Variants in COL24A1 observed in about 807,000 individuals in gnomAD.
COL24A1 encodes the protein collagen alpha-1(XXIV) chain.
COL24A1 carries 224 observed loss-of-function variants against 253.9 expected under a neutral mutation model. The ratio of observed to expected loss-of-function variants is 0.88; its 90% CI spans 0.79 to 0.99. The LOEUF (loss-of-function observed/expected upper bound fraction) is 0.99, where lower values mean the gene tolerates loss of function less well. Among genes scored for constraint, COL24A1 ranks in the 50% least tolerant of loss-of-function variants. The probability of loss-of-function intolerance (pLI) is 0.00; values close to 1 mark genes in which losing one functional copy is unlikely to be tolerated. For missense variants in COL24A1, 2,131 were observed against 2,068.5 expected (o/e 1.03, Z -0.59); for synonymous variants, 685 against 673.7 (o/e 1.02, Z -0.26).
intron 32 of COL24A1, among the ~76,000 whole-genome samples, chr1:85,886,128 T>C (rs1682470885): frequency 6.6e-6 from 1 of 151,952 alleles, no homozygotes; most frequent in African/African-American, 2.4e-5. Flanking sequence ...AGTTGTGCGA[T>C]CTTGGCTTGC....
rs770467150 is a variant in COL24A1 at position 86,017,216 on chromosome 1, G to T, written c.2257-12C>A. 2.6e-6 allele frequency: 4 copies of T among 1,553,578 alleles called. No homozygotes were observed. Among genetic ancestry groups the T allele is most frequent in the Non-Finnish European group, 3.4e-6 (4 of 1,159,554 alleles). ...TCACCTGTTTGGCCCTAAAATGGGG[G>T]GGGAGGATCAAAGTATAAACATAAA... On this transcript the variant is annotated splice_polypyrimidine_tract_variant and intron_variant, in intron 18 of 59. Transcript: ENST00000370571.
intron 7 of COL24A1, among the ~76,000 whole-genome samples, chr1:86,074,107 T>C (rs1448617926): frequency 6.6e-6 from 1 of 152,106 alleles, no homozygotes; most frequent in Non-Finnish European, 1.5e-5. Context: ...AATTCACACA[T>C]AACAATATTA....
chr1:85,998,169 C>T (rs1246105559), intron 19 of COL24A1, among the ~76,000 whole-genome samples: 4 of 152,176 alleles, frequency 2.6e-5, no homozygotes, highest in African/African-American at 9.7e-5. Flanking sequence ...TTTCTACATA[C>T]ATCTAGCTTC....
intron 47 of COL24A1, among the ~76,000 whole-genome samples, chr1:85,813,536 T>G (rs1209477993): frequency 2.9e-4 from 7 of 24,268 alleles, no homozygotes; most frequent in African/African-American, 7.9e-4. Flanking sequence ...TCAGGTCTTT[T>G]TTTTTTTTTT....
At chr1:86,056,717 G>A (rs770224282) in intron 10 of COL24A1, among the ~76,000 whole-genome samples, 9 of 151,798 alleles carry the variant, frequency 5.9e-5, no homozygotes, top group African/African-American at 2.4e-5. Flanking sequence ...AGCCTGGTGT[G>A]GTGGCACGTG....
At chr1:86,118,677 A>G (rs1706400576) in intron 3 of COL24A1, among the ~76,000 whole-genome samples, 1 of 152,204 alleles carries the variant, frequency 6.6e-6, no homozygotes, top group Non-Finnish European at 1.5e-5. Flanking sequence ...AGGAAAAGAA[A>G]AGGCAACCAA....
chr1:85,989,733 A>C (rs74097638), intron 19 of COL24A1, among the ~76,000 whole-genome samples: 5,575 of 152,194 alleles, frequency 0.037, 380 homozygotes, highest in African/African-American at 0.13. Context: ...TCATACTCTG[A>C]TAATATATAC....
intron 7 of COL24A1, among the ~76,000 whole-genome samples, chr1:86,085,977 T>C (rs1033526458): frequency 1.4e-5 from 2 of 139,382 alleles, no homozygotes; most frequent in African/African-American, 5.0e-5. Flanking sequence ...TTTTCAAGAC[T>C]TTTTTTTTAC....
intron 24 of COL24A1, among the ~76,000 whole-genome samples, chr1:85,958,572 A>G (rs1444801518): frequency 6.6e-6 from 1 of 152,166 alleles, no homozygotes; most frequent in African/African-American, 2.4e-5. Flanking sequence ...GGATCACTCT[A>G]TGGAAGAACC....
chr1:86,130,500 T>C (rs907872324), intron 2 of COL24A1, among the ~76,000 whole-genome samples: 1 of 151,886 alleles, frequency 6.6e-6, no homozygotes, highest in Non-Finnish European at 1.5e-5. Context: ...ATTCTAAGGG[T>C]TTCCTTTAAA....
intron 28 of COL24A1, among the ~76,000 whole-genome samples, chr1:85,905,654 G>T (rs1684747754): frequency 6.6e-6 from 1 of 152,060 alleles, no homozygotes; most frequent in Non-Finnish European, 1.5e-5. Context: ...TTTGAAGGAT[G>T]TGAGGAAAAT....
chr1:85,868,828 G>A lies in COL24A1; in HGVS notation c.3146C>T (p.Pro1049Leu), dbSNP rs770350497. The change falls in exon 36 of 60, where the codon CCA becomes CTA. Residue 1049 changes from proline (P) to leucine (L), a missense_variant. Physicochemically the swap from Pro to Leu is moderately conservative, Grantham distance 98 (BLOSUM62 -3). Transcript: ENST00000370571. ...GTGEPGLRGEPGAPGEEGLQG... is the reference protein window; with the variant it reads ...GTGEPGLRGELGAPGEEGLQG... ...GAGACCTTCTTCTCCAGGAGCTCCT[G>A]GTTCACCCTATTTTGTAGCAGAAAG... 8.2e-6 allele frequency: 13 copies of A among 1,586,858 alleles called. No individual in the cohort carries two copies. Among genetic ancestry groups the A allele is most frequent in the Admixed American group, 1.8e-5 (1 of 56,856 alleles).
chr1:86,104,006 C>G (rs890525653), intron 5 of COL24A1, among the ~76,000 whole-genome samples: 1 of 152,190 alleles, frequency 6.6e-6, no homozygotes, highest in African/African-American at 2.4e-5. Context: ...CTCCCCATCT[C>G]TTTCAGCAAT....
intron 46 of COL24A1, among the ~76,000 whole-genome samples, chr1:85,817,383 C>T (rs907599212): frequency 1.3e-5 from 2 of 151,944 alleles, no homozygotes; most frequent in Admixed American, 1.3e-4. Context: ...TACACTTGGG[C>T]AACTAAATTT....
At chr1:86,093,580 G>A (rs1703670793) in intron 5 of COL24A1, among the ~76,000 whole-genome samples, 1 of 151,936 alleles carries the variant, frequency 6.6e-6, no homozygotes, top group Non-Finnish European at 1.5e-5. Flanking sequence ...ATAGGCACAG[G>A]CAAAGATTTC....
At chr1:85,747,972 C>T (rs918779054) in intron 55 of COL24A1, among the ~76,000 whole-genome samples, 1 of 152,152 alleles carries the variant, frequency 6.6e-6, no homozygotes. Flanking sequence ...GCAGGTCTTC[C>T]AAACACAGAT....
chr1:86,131,403 T>C (rs993689942), intron 2 of COL24A1, among the ~76,000 whole-genome samples: 3 of 152,102 alleles, frequency 2.0e-5, no homozygotes, highest in Non-Finnish European at 4.4e-5. Context: ...AGGGTACATG[T>C]GCACAATGTG....
intron 43 of COL24A1, among the ~76,000 whole-genome samples, chr1:85,830,314 T>G (rs1281579293): frequency 6.6e-6 from 1 of 152,130 alleles, no homozygotes. Flanking sequence ...GGAGAACCAC[T>G]GCTCTCTTCA....
chr1:85,903,209 G>A (rs142632332), intron 28 of COL24A1, among the ~76,000 whole-genome samples: 16 of 152,302 alleles, frequency 1.1e-4, no homozygotes, highest in South Asian at 2.1e-4. Flanking sequence ...ACCTGAAGGT[G>A]TAAGTAATGC....
Sources: gnomAD v4.1 joint callset for allele counts (sites outside exome capture counted in the v4.1 genomes callset) on GRCh38, gnomAD v4.1.1 for gene constraint, MANE v1.5 for transcripts, NCBI Gene and HGNC (gene_info 2026-07-23, HGNC 2026-07-21) for gene names.